The following DIP2A variants were observed in gnomAD, a reference collection of about 807,000 sequenced individuals.
DIP2A encodes the protein disco-interacting protein 2 homolog A.
DIP2A carries 85 observed loss-of-function variants against 177.4 expected under a neutral mutation model. That is an observed-to-expected ratio of 0.48 (90% CI 0.40 to 0.57). The LOEUF (loss-of-function observed/expected upper bound fraction) is 0.57, where lower values mean the gene tolerates loss of function less well. DIP2A is among the 20% of genes least tolerant of loss of function. The pLI, the probability that DIP2A is intolerant of heterozygous loss-of-function variation, is 0.00. For synonymous variants in DIP2A, 886 were observed against 881.8 expected, an observed-to-expected ratio of 1.00 and a Z score of -0.08; for missense variants, 1,791 against 2,100.2, an observed-to-expected ratio of 0.85 and a Z score of 2.88.
At chr21:46,572,332 G>A (rs1157169025), downstream of DIP2A, among the ~76,000 whole-genome samples, 1 of 152,124 alleles carries the variant, frequency 6.6e-6, no homozygotes, top group Non-Finnish European at 1.5e-5. Context: ...AGTGTACAAT[G>A]TTTATAAAGT....
chr21:46,541,896 G>T lies in DIP2A; in HGVS notation c.2176+1G>T. On this transcript the variant is annotated splice_donor_variant, in intron 18 of 37. Coordinates refer to ENST00000417564, the MANE Select transcript of DIP2A (RefSeq NM_015151.4). LOFTEE classifies it high-confidence loss of function. ...GACGTTGGTCAGGTGATGCCTGGAG[G>T]TAAGAGACATAACCAGAGTGGGTCT... The T allele has an allele frequency of 1.2e-6, 2 of 1,614,026 alleles. No individual in the cohort carries two copies. The highest frequency in any genetic ancestry group is 1.7e-6 in the Non-Finnish European group (2 of 1,179,876).
intron 20 of DIP2A, chr21:46,546,186 C>T: frequency 2.3e-6 from 3 of 1,319,452 alleles, no homozygotes; most frequent in Non-Finnish European, 2.9e-6. Flanking sequence ...TCGGGGGTCC[C>T]CGGGGTGGAT....
At chr21:46,549,978 C>G (rs770335816) in intron 22 of DIP2A, 93 bp downstream of exon 22, 2 of 1,574,006 alleles carry the variant, frequency 1.3e-6, no homozygotes, top group Non-Finnish European at 1.7e-6. Context: ...TTGTCCCGCC[C>G]GGTCCTCCCT....
rs772086266 is a variant in DIP2A, at chr21:46,556,948, G to A, written c.3508G>A (p.Ala1170Thr). 44 of 1,564,282 alleles carry A rather than the reference G, an allele frequency of 2.8e-5. No individual in the cohort carries two copies. In the East Asian group the frequency reaches 5.3e-4, roughly 19 times the overall value. ...GILAGVKMSH[A>T]ATSALCRSIK... ...TTATTTTACTCTTAAGATGTCGCAC[G>A]CGGCCACAAGCGCCTTATGCCGCTC... The change falls in exon 30 of 38, where the codon GCG (alanine) becomes ACG (threonine). Residue 1170 changes from alanine (A) to threonine (T), a missense_variant. Coordinates refer to ENST00000417564, the MANE Select transcript of DIP2A (RefSeq NM_015151.4). The surrounding 1 kb of genome is among the most constrained non-coding windows in gnomAD (Gnocchi z 4.5).
chr21:46,561,840 C>A (rs374942386), intron 34 of DIP2A, 35 bp downstream of exon 34: 3 of 1,611,614 alleles, frequency 1.9e-6, no homozygotes, highest in Non-Finnish European at 2.5e-6. Flanking sequence ...TTCTGAGTCG[C>A]GTCTGAGACC....
At chr21:46,472,329 C>G (rs1163350864) in intron 1 of DIP2A, among the ~76,000 whole-genome samples, 3 of 152,216 alleles carry the variant, frequency 2.0e-5, no homozygotes, top group Admixed American at 1.3e-4. Flanking sequence ...GTCGCCCACT[C>G]TGGTATTCTG....
At position 46,569,462 on chromosome 21, in the gene DIP2A, T is replaced by C. The variant is rs115778878; in HGVS notation, c.*1840T>C. The C allele has an allele frequency of 4.1e-5, 6 of 144,922 alleles. No homozygotes were observed. The highest frequency in any genetic ancestry group is 1.4e-4 in the Admixed American group (2 of 14,234). The allele number at this position is 144,922 out of a possible 1,614,324, so 9.0% of individuals were successfully genotyped here. ...GTAGTCTAATGGACATTCCTTACAA[T>C]AGAATGGCTGGGAAGGGAAAGAAAA... On this transcript the variant is annotated 3_prime_UTR_variant, in exon 38 of 38. Transcript: ENST00000417564.
rs1424769520 is a variant in DIP2A, at chr21:46,496,899, A to C, written c.284-89A>C. The C allele has an allele frequency of 6.5e-6, 9 of 1,374,446 alleles. No homozygotes were observed. In the Admixed American group the frequency reaches 1.7e-4, roughly 25 times the overall value. 85.1% of individuals were successfully genotyped at this position (1,374,446 alleles called of 1,614,324 possible). ...GAGAGCTTCTATTCCTTTTACCCCC[A>C]CTGAAAACAAACAAAAACATGAAAC... On this transcript the variant is annotated intron_variant, in intron 3 of 37. Transcript: ENST00000417564.
At chr21:46,508,890 A>G (rs1442972662) in intron 6 of DIP2A, among the ~76,000 whole-genome samples, 1 of 151,872 alleles carries the variant, frequency 6.6e-6, no homozygotes, top group Non-Finnish European at 1.5e-5. Flanking sequence ...GTGGTGGCGC[A>G]TGCCTGTAGA....
chr21:46,528,810 G>A (rs1056012613), intron 8 of DIP2A, among the ~76,000 whole-genome samples: 1 of 151,828 alleles, frequency 6.6e-6, no homozygotes, highest in African/African-American at 2.4e-5. Flanking sequence ...TTACAGGTGT[G>A]AGTCACTGCA....
downstream of DIP2A, among the ~76,000 whole-genome samples, chr21:46,570,656 A>T (rs114773080): frequency 5.3e-3 from 812 of 152,296 alleles, 7 homozygotes; most frequent in African/African-American, 0.019. Flanking sequence ...ATTTATTTCA[A>T]AGTGGTTCTA....
At chr21:46,509,459 A>T in intron 7 of DIP2A, 83 bp downstream of exon 7, 1 of 1,490,168 alleles carries the variant, frequency 6.7e-7, no homozygotes, top group South Asian at 1.3e-5. Context: ...AATGTATATT[A>T]TACATGGATA....
intron 9 of DIP2A, among the ~76,000 whole-genome samples, chr21:46,529,512 A>T (rs1371067740): frequency 1.3e-5 from 2 of 152,018 alleles, no homozygotes; most frequent in Non-Finnish European, 2.9e-5. Flanking sequence ...GAGGCATGAG[A>T]ATCTCTTGAA....
chr21:46,523,789 C>T (rs1360948347), intron 8 of DIP2A, among the ~76,000 whole-genome samples: 3 of 152,164 alleles, frequency 2.0e-5, no homozygotes, highest in Non-Finnish European at 2.9e-5. Context: ...CCTGTTCACT[C>T]GGTGGAAACC....
chr21:46,465,410 A>G (rs1193070146), intron 1 of DIP2A, among the ~76,000 whole-genome samples: 1 of 135,062 alleles, frequency 7.4e-6, no homozygotes, highest in East Asian at 2.4e-4. Flanking sequence ...GCTACTAAAT[A>G]TAACAAAAAA....
chr21:46,486,512 A>G (rs1800607340), intron 2 of DIP2A, among the ~76,000 whole-genome samples: 1 of 152,218 alleles, frequency 6.6e-6, no homozygotes, highest in Non-Finnish European at 1.5e-5. Context: ...ATTAGTTTAA[A>G]CTTAATAGCC....
intron 1 of DIP2A, among the ~76,000 whole-genome samples, chr21:46,463,710 G>GTT: frequency 6.9e-6 from 1 of 144,954 alleles, no homozygotes; most frequent in East Asian, 2.0e-4. Flanking sequence ...GTGTGTGTGT[G>GTT]TGTGTGTGTA....
At chr21:46,514,625 T>TTG in intron 8 of DIP2A, among the ~76,000 whole-genome samples, 1 of 139,200 alleles carries the variant, frequency 7.2e-6, no homozygotes, top group Admixed American at 7.2e-5. Flanking sequence ...TTCTTTTTTT[T>TTG]TTTTTTTTTT....
At chr21:46,573,021 T>G (rs1285266704), downstream of DIP2A, among the ~76,000 whole-genome samples, 1 of 152,142 alleles carries the variant, frequency 6.6e-6, no homozygotes, top group African/African-American at 2.4e-5. Context: ...ACACTGTATG[T>G]TGTTCCCCCA....
Sources: allele counts gnomAD v4.1 joint callset (sites outside exome capture counted in the v4.1 genomes callset), GRCh38; gene constraint gnomAD v4.1.1; non-coding constraint Gnocchi (gnomAD v3.1); transcripts MANE v1.5; gene names NCBI Gene and HGNC (gene_info 2026-07-23, HGNC 2026-07-21).